Variants in C2CD3 observed in about 807,000 individuals in gnomAD.
C2CD3 encodes the protein C2 domain containing 3 centriole elongation regulator.
Under a neutral mutation model 234.0 loss-of-function variants are expected in C2CD3, and 148 were observed. The ratio of observed to expected loss-of-function variants is 0.63; its 90% CI spans 0.55 to 0.72. C2CD3 has a LOEUF of 0.72. Among genes scored for constraint, C2CD3 ranks in the 30% least tolerant of loss-of-function variants. C2CD3 has a pLI of 0.00. For synonymous variants in C2CD3, 1,000 were observed against 1,035.4 expected (o/e 0.97, Z 0.66); for missense variants, 2,577 against 2,811.5 (o/e 0.92, Z 1.89).
intron 29 of C2CD3, among the ~76,000 whole-genome samples, chr11:74,038,338 G>A (rs140035204): frequency 2.0e-5 from 3 of 152,256 alleles, no homozygotes; most frequent in African/African-American, 7.2e-5. Context: ...GCCTTTAATA[G>A]GGCCACATTC....
intron 5 of C2CD3, among the ~76,000 whole-genome samples, chr11:74,135,350 CTCGACCTCCCAGGG>C (rs962637344): frequency 6.6e-6 from 1 of 152,014 alleles, no homozygotes; most frequent in Non-Finnish European, 1.5e-5. Flanking sequence ...TCACTGGAGC[CTCGACCTCCCAGGG>C]TCAAGTGATC....
intron 25 of C2CD3, among the ~76,000 whole-genome samples, chr11:74,056,132 T>C (rs1953938745): frequency 6.6e-6 from 1 of 152,170 alleles, no homozygotes; most frequent in African/African-American, 2.4e-5. Context: ...GCCTCTCAAA[T>C]TACAAATCAC....
intron 20 of C2CD3, among the ~76,000 whole-genome samples, chr11:74,088,048 C>A (rs951001565): frequency 2.0e-5 from 3 of 151,842 alleles, no homozygotes; most frequent in Non-Finnish European, 4.4e-5. Flanking sequence ...TAGATGCCAG[C>A]GTAAGGATTC....
chr11:74,078,844 G>A, intron 22 of C2CD3, 127 bp from the exon 23 acceptor site: 1 of 814,740 alleles, frequency 1.2e-6, no homozygotes, highest in South Asian at 1.9e-5. Flanking sequence ...TACCCACAGT[G>A]AGTTGGAGTT....
chr11:74,133,973 T>C (rs1171430182), intron 5 of C2CD3, among the ~76,000 whole-genome samples: 1 of 152,204 alleles, frequency 6.6e-6, no homozygotes, highest in East Asian at 1.9e-4. Flanking sequence ...ACACAGCAGG[T>C]TAATGGAAAA....
chr11:74,150,206 G>A (rs72984889), intron 3 of C2CD3, among the ~76,000 whole-genome samples: 5,806 of 151,578 alleles, frequency 0.038, 167 homozygotes, highest in Non-Finnish European at 0.061. Context: ...GGATGGGTGC[G>A]GTGGCTCACG....
In C2CD3 at chr11:74,074,972, T is replaced by C. The variant is rs148897608; in HGVS notation, c.4604-372A>G. 6.0e-3 allele frequency among the ~76,000 whole-genome samples: 915 copies of C among 152,106 alleles called. 11 individuals are homozygous for C. The highest frequency in any genetic ancestry group is 0.021 in the African/African-American group (851 of 41,480). On this transcript the variant is annotated intron_variant, in intron 23 of 32. Transcript: ENST00000334126. ...GGTGGTGTGTGTCTGCAGTCCCAGC[T>C]ACTCAGGAGGCTAAGGTGGGAGGAT...
At chr11:74,111,925 C>T (rs1212878360) in intron 11 of C2CD3, among the ~76,000 whole-genome samples, 3 of 55,456 alleles carry the variant, frequency 5.4e-5, no homozygotes, top group African/African-American at 1.1e-4. Context: ...CTGATACACA[C>T]ACACACACAC....
At chr11:74,019,279 C>T (rs1001714159) in intron 32 of C2CD3, among the ~76,000 whole-genome samples, 39 of 152,170 alleles carry the variant, frequency 2.6e-4, no homozygotes, top group African/African-American at 9.4e-4. Context: ...GAGCCCCTTC[C>T]TAAAAAGTGT....
chr11:74,130,855 C>G (rs944817196), intron 7 of C2CD3, among the ~76,000 whole-genome samples: 3 of 151,978 alleles, frequency 2.0e-5, no homozygotes, highest in Admixed American at 6.6e-5. Context: ...TGAGAAACAG[C>G]TTGTCAATTT....
At position 74,134,133 on chromosome 11, in the gene C2CD3, C is replaced by T. The variant is rs187819338; in HGVS notation, c.956-576G>A. Among the ~76,000 whole-genome samples the T allele has an allele frequency of 3.2e-3, 484 of 152,260 alleles. 3 individuals are homozygous for T. The Middle Eastern group carries it at 0.034, about 11-fold the overall frequency. On this transcript the variant is annotated intron_variant, in intron 5 of 32. Coordinates refer to ENST00000334126, the MANE Select transcript of C2CD3 (RefSeq NM_001286577.2). ...CGAGGCACTATTCTAAGTATTTTAA[C>T]GTGTATTACTCATTTAATCCTCCCA... is the stretch of plus-strand genomic sequence containing the variant.
rs570727716 is a variant in C2CD3, at chr11:74,040,964, AT to A, written c.5660+1089del. 9.2e-3 allele frequency among the ~76,000 whole-genome samples: 1,234 copies of A among 133,820 alleles called. 9 individuals carry two copies. Among genetic ancestry groups the A allele is most frequent in the Middle Eastern group, 0.039 (10 of 258 alleles). The allele number at this position is 133,820 out of a possible 152,430, so 87.8% of individuals were successfully genotyped here. ...CCCCTTTTAAACATTTTTTCCTTAA[AT>A]TTTTTTTTTTTTTTTTTGGTGCTAT... On this transcript the variant is annotated intron_variant, in intron 29 of 32. Transcript: ENST00000334126.
chr11:74,143,535 T>TTA (rs143669000), intron 3 of C2CD3, among the ~76,000 whole-genome samples: 25,568 of 145,742 alleles, frequency 0.18, 2,395 homozygotes, highest in East Asian at 0.3. Flanking sequence ...TTTTATATAT[T>TTA]TATATATATA....
At chr11:74,025,762 G>C (rs898640425) in intron 32 of C2CD3, among the ~76,000 whole-genome samples, 14 of 152,064 alleles carry the variant, frequency 9.2e-5, no homozygotes, top group African/African-American at 3.4e-4. Flanking sequence ...TTTTCCTCTA[G>C]GGTAATTCTC....
chr11:74,100,458 A>G, intron 15 of C2CD3, 67 bp downstream of exon 15: 1 of 1,426,518 alleles, frequency 7.0e-7, no homozygotes. Context: ...AAATCAAAAG[A>G]ATTCCTTTTC....
At chr11:74,115,072 C>T (rs919879561) in intron 9 of C2CD3, among the ~76,000 whole-genome samples, 7 of 150,026 alleles carry the variant, frequency 4.7e-5, no homozygotes, top group African/African-American at 9.8e-5. Context: ...TCCTATAGTA[C>T]AAGAAATCTC....
chr11:74,115,048 T>C (rs141537849), intron 9 of C2CD3, among the ~76,000 whole-genome samples: 9 of 152,012 alleles, frequency 5.9e-5, no homozygotes, highest in Non-Finnish European at 8.8e-5. Flanking sequence ...CAGCTTTTAT[T>C]ATCAGAATTC....
At chr11:74,155,670 A>C (rs1418715331) in intron 3 of C2CD3, among the ~76,000 whole-genome samples, 2 of 152,222 alleles carry the variant, frequency 1.3e-5, no homozygotes, top group Non-Finnish European at 1.5e-5. Context: ...CCATCTGTAT[A>C]AAATGTCCAG....
chr11:74,043,568 C>T (rs1175574092), intron 28 of C2CD3, among the ~76,000 whole-genome samples: 1 of 152,072 alleles, frequency 6.6e-6, no homozygotes, highest in Non-Finnish European at 1.5e-5. Flanking sequence ...TTCCAATGCA[C>T]CTGCAGTGTT....
Sources: gnomAD v4.1 joint callset for allele counts (sites outside exome capture counted in the v4.1 genomes callset) on GRCh38, gnomAD v4.1.1 for gene constraint, MANE v1.5 for transcripts, NCBI Gene and HGNC (gene_info 2026-07-23, HGNC 2026-07-21) for gene names.